TTLL9: variants seen among roughly 807,000 people sequenced by gnomAD.
The protein encoded by TTLL9 is probable tubulin polyglutamylase TTLL9.
A neutral mutation model predicts 65.6 loss-of-function variants in TTLL9; 47 were observed. That is an observed-to-expected ratio of 0.72 (90% CI 0.57 to 0.91). The LOEUF is 0.91. Ranked by LOEUF, TTLL9 falls within the 40% of genes least tolerant of loss-of-function variation. The pLI is 0.00. For missense variants in TTLL9, 537 were observed against 568.8 expected, an observed-to-expected ratio of 0.94 and a Z score of 0.57; for synonymous variants, 179 against 204.8, an observed-to-expected ratio of 0.87 and a Z score of 1.07.
rs1006399818 is a variant in TTLL9 at position 31,944,558 on chromosome 20, T to C, written c.*1537T>C. 1.3e-5 allele frequency: 2 copies of C among 152,470 alleles called. No individual in the cohort carries two copies. Among genetic ancestry groups the C allele is most frequent in the Middle Eastern group, 3.4e-3 (1 of 294 alleles). 9.4% of individuals were successfully genotyped at this position (152,470 alleles called of 1,614,324 possible). A position where few individuals can be genotyped will look rare whatever the true frequency, so the allele number is the denominator to read the frequency against. On this transcript the variant is annotated 3_prime_UTR_variant, in exon 15 of 15. Transcript: ENST00000535842. Reference sequence around the variant, plus strand: ...CAGCCTTCCCCTTGCTTTCCTCACTTGATGTATCTTGGAGCTTGTTCCTTA... The same window carrying C: ...CAGCCTTCCCCTTGCTTTCCTCACTCGATGTATCTTGGAGCTTGTTCCTTA...
At chr20:31,913,705 G>A (rs947348717) in intron 6 of TTLL9, among the ~76,000 whole-genome samples, 1 of 152,174 alleles carries the variant, frequency 6.6e-6, no homozygotes, top group African/African-American at 2.4e-5. Flanking sequence ...TTCCTACCAG[G>A]CCAGAGCCCC....
chr20:31,911,831 CGTGTGTGTGTGTGTGTGTGTGT>C (rs55996863), intron 6 of TTLL9, among the ~76,000 whole-genome samples: 59 of 142,228 alleles, frequency 4.1e-4, no homozygotes, highest in African/African-American at 1.4e-3. Context: ...TGTGTCTGTG[CGTGTGTGTGTGTGTGTGTGTGT>C]GTGTGTGTGT....
intron 7 of TTLL9, among the ~76,000 whole-genome samples, chr20:31,921,719 A>G (rs138798605): frequency 1.6e-3 from 238 of 152,296 alleles, no homozygotes; most frequent in African/African-American, 5.6e-3. Flanking sequence ...AAACTATTGC[A>G]AGGACAGAAA....
At chr20:31,898,777 G>A (rs567724201) in intron 4 of TTLL9, among the ~76,000 whole-genome samples, 27 of 152,348 alleles carry the variant, frequency 1.8e-4, no homozygotes, top group Admixed American at 1.2e-3. Context: ...ATAAGATTAT[G>A]TTCAGAGTTA....
chr20:31,923,074 C>T (rs1447546606), intron 8 of TTLL9, 21 bp downstream of exon 8: 19 of 1,571,978 alleles, frequency 1.2e-5, no homozygotes, highest in South Asian at 2.2e-5. Flanking sequence ...TGTGTCTGCT[C>T]CTGCTCTTCC....
intron 6 of TTLL9, among the ~76,000 whole-genome samples, chr20:31,915,336 G>A (rs796825040): frequency 1.9e-4 from 29 of 152,238 alleles, no homozygotes; most frequent in Admixed American, 5.2e-4. Context: ...CAAAAAATTG[G>A]CAGAGCGTGG....
At chr20:31,905,288 T>G (rs1240296625) in intron 4 of TTLL9, among the ~76,000 whole-genome samples, 1 of 152,096 alleles carries the variant, frequency 6.6e-6, no homozygotes, top group Non-Finnish European at 1.5e-5. Context: ...TTGGCCAGGC[T>G]GGTCTCAAAC....
At chr20:31,887,671 C>G (rs562295961) in intron 3 of TTLL9, among the ~76,000 whole-genome samples, 83 of 152,308 alleles carry the variant, frequency 5.4e-4, no homozygotes, top group African/African-American at 1.8e-3. Flanking sequence ...CTGCTTCACT[C>G]TGCATGGATA....
chr20:31,912,397 C>T (rs1469966653), intron 6 of TTLL9, among the ~76,000 whole-genome samples: 4 of 152,104 alleles, frequency 2.6e-5, no homozygotes, highest in Admixed American at 1.3e-4. Context: ...CTTTGAGTAT[C>T]GAGATTGTGG....
At chr20:31,879,828 T>C in intron 2 of TTLL9, 11 of 1,549,242 alleles carry the variant, frequency 7.1e-6, no homozygotes, top group Non-Finnish European at 9.6e-6. Flanking sequence ...ACGGGACGCA[T>C]AAGCACGCGA....
chr20:31,893,923 A>C (rs2063345559), intron 3 of TTLL9, among the ~76,000 whole-genome samples: 1 of 152,012 alleles, frequency 6.6e-6, no homozygotes, highest in African/African-American at 2.4e-5. Context: ...CTCACGAGTC[A>C]CTGAGGTTCT....
At chr20:31,933,904 C>A in intron 11 of TTLL9, 46 bp downstream of exon 11, 1 of 1,576,414 alleles carries the variant, frequency 6.3e-7, no homozygotes, top group Non-Finnish European at 8.6e-7. Context: ...CCCTCTGGCG[C>A]CAGGTCGGGG....
intron 3 of TTLL9, among the ~76,000 whole-genome samples, chr20:31,890,020 TTC>T (rs2063270303): frequency 7.0e-6 from 1 of 142,358 alleles, no homozygotes; most frequent in African/African-American, 2.9e-5. Flanking sequence ...CTTTCTTTCT[TTC>T]TTTCTTTCTT....
intron 10 of TTLL9, among the ~76,000 whole-genome samples, chr20:31,932,742 G>A (rs2064039829): frequency 6.6e-6 from 1 of 151,942 alleles, no homozygotes; most frequent in Admixed American, 6.6e-5. Flanking sequence ...TCACACCTGT[G>A]ATCCCAGCAC....
chr20:31,879,728 T>G, intron 2 of TTLL9: 1 of 1,296,342 alleles, frequency 7.7e-7, no homozygotes, highest in East Asian at 2.6e-5. Context: ...GAGGTTCTGG[T>G]GGACCAGAGC....
Position 31,943,071 on chromosome 20 carries a change from C to T in TTLL9, c.*50C>T, listed in dbSNP as rs766982209. ...GCCTTAGCAGGTGCCACCCAGGCCT[C>T]CCCCCCACTCCCAGATCCCAGCACA... On this transcript the variant is annotated 3_prime_UTR_variant, in exon 15 of 15. Coordinates refer to ENST00000535842, the MANE Select transcript of TTLL9 (RefSeq NM_001008409.5). 6.7e-6 allele frequency: 10 copies of T among 1,500,780 alleles called. No individual in the cohort carries two copies. The highest frequency in any genetic ancestry group is 7.4e-6 in the Non-Finnish European group (8 of 1,080,886). The allele number at this position is 1,500,780 out of a possible 1,614,324, so 93.0% of individuals were successfully genotyped here. A position where few individuals can be genotyped will look rare whatever the true frequency, so the allele number is the denominator to read the frequency against.
chr20:31,908,578 A>T lies in TTLL9; in HGVS notation c.207-13A>T. ...GACCATGACCTTTATCCCCGCCCCC[A>T]CCCCACCCCCAGCGAAGGGGAGTGG... On this transcript the variant is annotated splice_polypyrimidine_tract_variant and intron_variant, in intron 4 of 14. Coordinates refer to ENST00000535842, the MANE Select transcript of TTLL9 (RefSeq NM_001008409.5). 1 of 1,407,818 alleles carries T rather than the reference A, an allele frequency of 7.1e-7. No individual in the cohort carries two copies. The highest frequency in any genetic ancestry group is 1.0e-6 in the Non-Finnish European group (1 of 996,728). 87.2% of individuals were successfully genotyped at this position (1,407,818 alleles called of 1,614,324 possible). A position where few individuals can be genotyped will look rare whatever the true frequency, so the allele number is the denominator to read the frequency against.
At chr20:31,878,843 T>G (rs950890012) in intron 2 of TTLL9, among the ~76,000 whole-genome samples, 3 of 152,234 alleles carry the variant, frequency 2.0e-5, no homozygotes, top group Non-Finnish European at 4.4e-5. Flanking sequence ...ATATATATTA[T>G]CTATAGATCT....
chr20:31,910,235 G>A (rs2063626700), intron 6 of TTLL9, among the ~76,000 whole-genome samples: 1 of 152,210 alleles, frequency 6.6e-6, no homozygotes, highest in Admixed American at 6.5e-5. Context: ...TGACCCTCGG[G>A]GGAGGGATCA....
Sources: allele counts gnomAD v4.1 joint callset (sites outside exome capture counted in the v4.1 genomes callset), GRCh38; gene constraint gnomAD v4.1.1; transcripts MANE v1.5; gene names NCBI Gene and HGNC (gene_info 2026-07-23, HGNC 2026-07-21).